Variants in SETBP1 observed in about 807,000 individuals in gnomAD.
SETBP1 encodes SET-binding protein.
A neutral mutation model predicts 101.0 loss-of-function variants in SETBP1; 9 were observed. That is an observed-to-expected ratio of 0.09 (90% CI 0.05 to 0.16). The LOEUF is 0.16. Ranked by LOEUF, SETBP1 falls within the 10% of genes least tolerant of loss-of-function variation. The pLI is 1.00. For missense variants in SETBP1, 1,858 were observed against 2,033.8 expected, an observed-to-expected ratio of 0.91 and a Z score of 1.66; for synonymous variants, 818 against 788.5, an observed-to-expected ratio of 1.04 and a Z score of -0.63.
At chr18:44,802,501 C>T (rs560615758) in intron 2 of SETBP1, among the ~76,000 whole-genome samples, 3 of 152,144 alleles carry the variant, frequency 2.0e-5, no homozygotes, top group Non-Finnish European at 4.4e-5. Context: ...GTCAGTACCC[C>T]ATTCATTCTT....
chr18:44,875,971 A>G (rs1189975246), intron 3 of SETBP1, among the ~76,000 whole-genome samples: 1 of 152,222 alleles, frequency 6.6e-6, no homozygotes, highest in African/African-American at 2.4e-5. Flanking sequence ...AAGTGGCTGC[A>G]CCTTCGTTTT....
intron 2 of SETBP1, among the ~76,000 whole-genome samples, chr18:44,741,970 G>A (rs1395827268): frequency 6.6e-6 from 1 of 152,170 alleles, no homozygotes; most frequent in East Asian, 1.9e-4. Flanking sequence ...GGCCTCTAAG[G>A]ACGGAGGTGG....
At chr18:44,832,684 G>A (rs2072401278) in intron 2 of SETBP1, among the ~76,000 whole-genome samples, 1 of 152,182 alleles carries the variant, frequency 6.6e-6, no homozygotes, top group South Asian at 2.1e-4. Flanking sequence ...TCTGAGGCAG[G>A]GCTGATGGGC....
chr18:45,046,054 C>G (rs2073606037), intron 5 of SETBP1, among the ~76,000 whole-genome samples: 1 of 151,170 alleles, frequency 6.6e-6, no homozygotes, highest in Non-Finnish European at 1.5e-5. Context: ...CTGTGCCTCC[C>G]TGGCTCCCTA....
intron 4 of SETBP1, among the ~76,000 whole-genome samples, chr18:45,029,684 A>T (rs1254444354): frequency 2.6e-5 from 4 of 152,046 alleles, no homozygotes; most frequent in African/African-American, 9.6e-5. Flanking sequence ...CTCTTATTTC[A>T]TTGAGCAGTG....
intron 4 of SETBP1, among the ~76,000 whole-genome samples, chr18:44,962,476 G>A (rs1262219400): frequency 6.6e-6 from 1 of 152,080 alleles, no homozygotes; most frequent in Non-Finnish European, 1.5e-5. Flanking sequence ...GGTGCTGAGT[G>A]GAATGATGAA....
chr18:45,048,444 A>G (rs2073655144), intron 5 of SETBP1, among the ~76,000 whole-genome samples: 1 of 152,180 alleles, frequency 6.6e-6, no homozygotes, highest in Non-Finnish European at 1.5e-5. Flanking sequence ...TAGCCATGTG[A>G]TGACTTAGAT....
At chr18:44,881,505 C>A (rs2069528857) in intron 3 of SETBP1, among the ~76,000 whole-genome samples, 1 of 152,200 alleles carries the variant, frequency 6.6e-6, no homozygotes, top group Admixed American at 6.5e-5. Flanking sequence ...CAAAGGAGAG[C>A]TCAGGCAGCA....
chr18:45,064,887 G>T lies in SETBP1; in HGVS notation c.*1189G>T, dbSNP rs771918821. The T allele has an allele frequency of 6.6e-6, 1 of 151,614 alleles. No individual in the cohort carries two copies. The highest frequency in any genetic ancestry group is 1.5e-5 in the Non-Finnish European group (1 of 67,968). 9.4% of individuals were successfully genotyped at this position (151,614 alleles called of 1,614,324 possible). On this transcript the variant is annotated 3_prime_UTR_variant, in exon 6 of 6. Transcript: ENST00000649279. ...ATAATTATTTCTTAAAAGCAAATGG[G>T]AGTAAGTGTTCTTATCTGGAAAAAT... is the stretch of plus-strand genomic sequence containing the variant.
In SETBP1 at chr18:44,758,325, C is replaced by G. The variant is rs57405300; in HGVS notation, c.486+56493C>G. 5.4e-3 allele frequency among the ~76,000 whole-genome samples: 822 copies of G among 152,244 alleles called. 6 individuals are homozygous for G. Among genetic ancestry groups the G allele is most frequent in the African/African-American group, 0.019 (783 of 41,514 alleles). On this transcript the variant is annotated intron_variant, in intron 2 of 5. Transcript: ENST00000649279. ...ACTTTCCTTGGAGCAAATAAAACAG[C>G]TGAGAATAGATCTCAGGACCTTAAA...
intron 4 of SETBP1, among the ~76,000 whole-genome samples, chr18:45,015,621 G>A (rs756539298): frequency 6.6e-5 from 10 of 152,338 alleles, no homozygotes; most frequent in South Asian, 2.1e-4. Context: ...TCTCACAAAC[G>A]TGTTTGTGAG....
intron 2 of SETBP1, among the ~76,000 whole-genome samples, chr18:44,706,953 A>T (rs1355302333): frequency 6.6e-6 from 1 of 152,236 alleles, no homozygotes; most frequent in Non-Finnish European, 1.5e-5. Context: ...TACAGAGCAA[A>T]CATCATCATA....
intron 2 of SETBP1, among the ~76,000 whole-genome samples, chr18:44,812,094 A>G (rs960635177): frequency 6.6e-6 from 1 of 152,038 alleles, no homozygotes; most frequent in African/African-American, 2.4e-5. Context: ...TGGAGGTAGT[A>G]TTGGTATGGG....
chr18:44,855,482 C>G (rs1266483784), intron 2 of SETBP1, among the ~76,000 whole-genome samples: 1 of 152,206 alleles, frequency 6.6e-6, no homozygotes. Flanking sequence ...CTGTTCCATA[C>G]AAGTTACCTG....
chr18:44,768,553 A>T (rs2070808277), intron 2 of SETBP1, among the ~76,000 whole-genome samples: 2 of 152,232 alleles, frequency 1.3e-5, no homozygotes, highest in African/African-American at 4.8e-5. Context: ...TCCATTAAGG[A>T]TCTGTCAAGA....
At chr18:44,841,351 G>A (rs915046560) in intron 2 of SETBP1, among the ~76,000 whole-genome samples, 7 of 152,178 alleles carry the variant, frequency 4.6e-5, no homozygotes, top group African/African-American at 1.7e-4. Flanking sequence ...GCTTTTCTTA[G>A]AGCGAGTTAT....
intron 4 of SETBP1, among the ~76,000 whole-genome samples, chr18:44,983,593 A>C (rs111734993): frequency 6.6e-6 from 1 of 152,274 alleles, no homozygotes; most frequent in Non-Finnish European, 1.5e-5. Context: ...TCTCATTTTC[A>C]GTCCCTCCTG....
chr18:44,786,878 G>A (rs150751823), intron 2 of SETBP1, among the ~76,000 whole-genome samples: 51 of 152,268 alleles, frequency 3.3e-4, no homozygotes, highest in Non-Finnish European at 6.9e-4. Flanking sequence ...AAATGTGATC[G>A]TCTCCATCAG....
At chr18:44,737,319 A>C (rs1472056570) in intron 2 of SETBP1, among the ~76,000 whole-genome samples, 4 of 152,144 alleles carry the variant, frequency 2.6e-5, no homozygotes. Flanking sequence ...CTGGTGTCTG[A>C]GGTGAGTATA....
Sources: allele counts gnomAD v4.1 joint callset (sites outside exome capture counted in the v4.1 genomes callset), GRCh38; gene constraint gnomAD v4.1.1; transcripts MANE v1.5; gene names NCBI Gene and HGNC (gene_info 2026-07-23, HGNC 2026-07-21).